Variants in KLF12 observed in about 807,000 individuals in gnomAD.
The protein encoded by KLF12 is KLF transcription factor 12.
KLF12 carries 9 observed loss-of-function variants against 37.8 expected under a neutral mutation model. The observed-to-expected ratio is 0.24, with a 90% CI of 0.14 to 0.42. The LOEUF (loss-of-function observed/expected upper bound fraction) is 0.42, where lower values mean the gene tolerates loss of function less well. Among genes scored for constraint, KLF12 ranks in the 10% least tolerant of loss-of-function variants. The pLI is 1.00. For missense variants in KLF12, 411 were observed against 516.0 expected (o/e 0.80, Z 1.97); for synonymous variants, 208 against 202.1 (o/e 1.03, Z -0.25).
At chr13:74,048,513 T>C (rs1392660869) in intron 1 of KLF12, among the ~76,000 whole-genome samples, 1 of 152,118 alleles carries the variant, frequency 6.6e-6, no homozygotes, top group Non-Finnish European at 1.5e-5. Context: ...GACACATACT[T>C]AGAGAACAGA....
intron 2 of KLF12, among the ~76,000 whole-genome samples, chr13:73,969,565 G>T (rs994170257): frequency 3.3e-5 from 5 of 152,064 alleles, no homozygotes; most frequent in African/African-American, 1.2e-4. Flanking sequence ...TCAAGTGTGG[G>T]TCTGCAAAGA....
chr13:73,894,059 GAC>G (rs1035524187), intron 3 of KLF12, among the ~76,000 whole-genome samples: 3 of 152,176 alleles, frequency 2.0e-5, no homozygotes, highest in African/African-American at 7.2e-5. Context: ...GTTAGTGAGA[GAC>G]AGGGGAAGAT....
chr13:73,802,623 C>T (rs1383394133), intron 5 of KLF12, among the ~76,000 whole-genome samples: 2 of 152,044 alleles, frequency 1.3e-5, no homozygotes, highest in African/African-American at 4.8e-5. Flanking sequence ...CCCTTGCCCT[C>T]CCTCCCCCTC....
chr13:74,126,450 T>G (rs1877947163), intron 1 of KLF12, among the ~76,000 whole-genome samples: 1 of 152,180 alleles, frequency 6.6e-6, no homozygotes. Flanking sequence ...TGTGTTCTAT[T>G]TCATTTTTTT....
chr13:73,912,673 G>C (rs530048732), intron 3 of KLF12, among the ~76,000 whole-genome samples: 5 of 152,272 alleles, frequency 3.3e-5, no homozygotes, highest in East Asian at 3.9e-4. Flanking sequence ...CCAGCCTTCA[G>C]AACTGTGAAA....
chr13:74,168,100 T>C, the KLF12 span, among the ~76,000 whole-genome samples: 1 of 152,350 alleles, frequency 6.6e-6, no homozygotes, highest in East Asian at 1.9e-4. Context: ...TTGAGGTAAC[T>C]ATCATTATAT....
intron 1 of KLF12, among the ~76,000 whole-genome samples, chr13:74,128,647 C>T (rs966858005): frequency 1.3e-5 from 2 of 152,194 alleles, no homozygotes; most frequent in African/African-American, 4.8e-5. Context: ...TAGAGGTTAC[C>T]ATTCATTGTG....
chr13:73,871,565 C>T lies in KLF12; in HGVS notation c.124-25192G>A, dbSNP rs1296069866. Among the ~76,000 whole-genome samples the T allele has an allele frequency of 3.3e-5, 5 of 152,228 alleles. 1 individual carries two copies. The highest frequency in any genetic ancestry group is 7.3e-5 in the Non-Finnish European group (5 of 68,042). ...ACAGTACAAACGGAGTCCAGTCCCACTCCACTTGCCTCCAAAGTGTACATA... is the reference window on the plus strand; with the variant it reads ...ACAGTACAAACGGAGTCCAGTCCCATTCCACTTGCCTCCAAAGTGTACATA... On this transcript the variant is annotated intron_variant, in intron 3 of 7. Transcript: ENST00000377669.
chr13:73,984,413 G>T (rs1027522073), intron 2 of KLF12, among the ~76,000 whole-genome samples: 3 of 152,130 alleles, frequency 2.0e-5, no homozygotes, highest in Admixed American at 6.5e-5. Flanking sequence ...TTATTCATAG[G>T]CCATGACGCG....
chr13:73,777,205 T>C (rs904604665), intron 5 of KLF12, among the ~76,000 whole-genome samples: 1 of 152,104 alleles, frequency 6.6e-6, no homozygotes, highest in Non-Finnish European at 1.5e-5. Context: ...GCCAGGTATA[T>C]GAGTGAAGAA....
chr13:73,956,429 G>A (rs1566481358), intron 2 of KLF12, among the ~76,000 whole-genome samples: 1 of 152,182 alleles, frequency 6.6e-6, no homozygotes, highest in African/African-American at 2.4e-5. Flanking sequence ...AGTCTTTCTT[G>A]TCCGGGCTGT....
In KLF12 at chr13:73,971,541, A is replaced by T. The variant is rs146483585; in HGVS notation, c.33+23449T>A. The stretch of plus-strand genomic sequence containing the variant: ...TTTTTTAAGACAGGAAAAGGTACTA[A>T]ACCATCAACTATAAAGTTGATACTA... On this transcript the variant is annotated intron_variant, in intron 2 of 7. Transcript: ENST00000377669. Among the ~76,000 whole-genome samples the T allele has an allele frequency of 5.3e-3, 810 of 152,278 alleles. 3 individuals are homozygous for T. Among genetic ancestry groups the T allele is most frequent in the Non-Finnish European group, 9.7e-3 (658 of 68,022 alleles).
the KLF12 span, among the ~76,000 whole-genome samples, chr13:74,200,397 G>A: frequency 6.6e-6 from 1 of 152,148 alleles, no homozygotes; most frequent in Non-Finnish European, 1.5e-5. Flanking sequence ...GCATGAGTGT[G>A]TTAAGCAAAG....
At chr13:74,148,525 C>T in the KLF12 span, among the ~76,000 whole-genome samples, 94 of 127,634 alleles carry the variant, frequency 7.4e-4, 1 homozygote, top group South Asian at 9.0e-4. Flanking sequence ...ACTAAATCTG[C>T]ATTGGCTAAG....
intron 6 of KLF12, among the ~76,000 whole-genome samples, chr13:73,754,673 G>A (rs1470015952): frequency 6.6e-6 from 1 of 152,070 alleles, no homozygotes; most frequent in Non-Finnish European, 1.5e-5. Context: ...CAAGGCTACT[G>A]CTGGCAAAAA....
intron 5 of KLF12, among the ~76,000 whole-genome samples, chr13:73,785,595 C>T (rs1203844488): frequency 4.0e-5 from 6 of 151,770 alleles, no homozygotes; most frequent in Non-Finnish European, 8.8e-5. Flanking sequence ...AACTTATATA[C>T]CAAATCTCTG....
intron 4 of KLF12, among the ~76,000 whole-genome samples, chr13:73,829,258 T>C (rs1391686736): frequency 6.6e-6 from 1 of 152,156 alleles, no homozygotes; most frequent in East Asian, 1.9e-4. Flanking sequence ...GGCTGAAAAA[T>C]TGGAGATTAA....
chr13:74,110,928 G>A (rs1446892118), intron 1 of KLF12, among the ~76,000 whole-genome samples: 1 of 152,020 alleles, frequency 6.6e-6, no homozygotes, highest in East Asian at 1.9e-4. Context: ...TGAGGTGGGC[G>A]GATCACCTGA....
At chr13:74,164,726 T>C in the KLF12 span, among the ~76,000 whole-genome samples, 4 of 152,218 alleles carry the variant, frequency 2.6e-5, no homozygotes, top group Non-Finnish European at 5.9e-5. Flanking sequence ...AAGCTGGCAG[T>C]TGCTTATATA....
Sources: gnomAD v4.1 joint callset for allele counts (sites outside exome capture counted in the v4.1 genomes callset) on GRCh38, gnomAD v4.1.1 for gene constraint, MANE v1.5 for transcripts, NCBI Gene and HGNC (gene_info 2026-07-23, HGNC 2026-07-21) for gene names.